Variants in DNM2 observed in about 807,000 individuals in gnomAD.
DNM2 encodes dynamin-2.
DNM2 carries 15 observed loss-of-function variants against 99.0 expected under a neutral mutation model. That is an observed-to-expected ratio of 0.15 (90% confidence interval 0.10 to 0.23). The LOEUF (loss-of-function observed/expected upper bound fraction) is 0.23. DNM2 is among the 10% of genes least tolerant of loss of function. DNM2 has a pLI of 1.00. For synonymous variants in DNM2, 525 were observed against 481.2 expected, an observed-to-expected ratio of 1.09 and a Z score of -1.19; for missense variants, 742 against 1,189.4, an observed-to-expected ratio of 0.62 and a Z score of 5.53.
intron 7 of DNM2, among the ~76,000 whole-genome samples, chr19:10,788,003 G>A (rs1001712825): frequency 2.6e-5 from 4 of 151,824 alleles, no homozygotes; most frequent in African/African-American, 9.7e-5. Flanking sequence ...AGGCCGAGGC[G>A]GGAGGATCAC....
At chr19:10,797,290 C>A (rs2071970387) in intron 9 of DNM2, 90 bp from the exon 10 acceptor site, 2 of 1,567,260 alleles carry the variant, frequency 1.3e-6, no homozygotes, top group African/African-American at 1.3e-5. Flanking sequence ...ACTCTCGTTT[C>A]TTCTCTTCTC....
At chr19:10,822,624 G>A (rs867141121) in intron 16 of DNM2, among the ~76,000 whole-genome samples, 2 of 151,834 alleles carry the variant, frequency 1.3e-5, no homozygotes, top group African/African-American at 4.8e-5. Flanking sequence ...TCAGCCTCCC[G>A]AGTAGCTGGG....
At chr19:10,731,788 G>T (rs78302485) in intron 1 of DNM2, among the ~76,000 whole-genome samples, 1 of 152,348 alleles carries the variant, frequency 6.6e-6, no homozygotes, top group South Asian at 2.1e-4. Context: ...TGAGTTCCCC[G>T]TTGTCTGGGC....
chr19:10,779,158 C>T (rs947997888), intron 5 of DNM2, among the ~76,000 whole-genome samples: 3 of 149,948 alleles, frequency 2.0e-5, no homozygotes, highest in South Asian at 4.2e-4. Context: ...GAGGTTGCAG[C>T]GAGCTGAGAT....
chr19:10,814,239 C>G (rs1373611135), intron 15 of DNM2, among the ~76,000 whole-genome samples: 1 of 152,080 alleles, frequency 6.6e-6, no homozygotes, highest in Non-Finnish European at 1.5e-5. Flanking sequence ...CCAAGGCAGA[C>G]AGATCACTTG....
rs530300532 is a variant in DNM2, at chr19:10,752,242, G to T, written c.162-7496G>T. Among the ~76,000 whole-genome samples the T allele has an allele frequency of 1.3e-3, 199 of 152,316 alleles. 1 individual carries two copies. Among genetic ancestry groups the T allele is most frequent in the African/African-American group, 4.7e-3 (195 of 41,556 alleles). Reference sequence around the variant, plus strand: ...AAAAAGGAAAAAAGAGTGTGTATGTGTGTGTGGGGTACTATGAATTAAAAG... The same window carrying T: ...AAAAAGGAAAAAAGAGTGTGTATGTTTGTGTGGGGTACTATGAATTAAAAG... On this transcript the variant is annotated intron_variant, in intron 1 of 20. Coordinates refer to ENST00000389253, the MANE Select transcript of DNM2 (RefSeq NM_001005361.3).
At chr19:10,743,180 A>G (rs2069823145) in intron 1 of DNM2, among the ~76,000 whole-genome samples, 1 of 151,948 alleles carries the variant, frequency 6.6e-6, no homozygotes, top group East Asian at 2.0e-4. Flanking sequence ...TACTAGGATT[A>G]CAGGTGTGAG....
intron 19 of DNM2, 111 bp downstream of exon 19, chr19:10,829,379 C>T (rs1012478040): frequency 7.2e-7 from 1 of 1,382,550 alleles, no homozygotes; most frequent in Non-Finnish European, 1.0e-6. Flanking sequence ...AAGGGTGGCA[C>T]CCAGGGCTGG....
chr19:10,747,867 G>T (rs1035996366), intron 1 of DNM2, among the ~76,000 whole-genome samples: 3 of 152,088 alleles, frequency 2.0e-5, no homozygotes, highest in East Asian at 1.9e-4. Context: ...TTCCTATGGC[G>T]GGGGGAGGGA....
chr19:10,739,006 A>C (rs1319586680), intron 1 of DNM2, among the ~76,000 whole-genome samples: 2 of 152,110 alleles, frequency 1.3e-5, no homozygotes, highest in Non-Finnish European at 2.9e-5. Flanking sequence ...GTCTCTACTA[A>C]AAATACAAAA....
chr19:10,752,939 C>G (rs531179143), intron 1 of DNM2, among the ~76,000 whole-genome samples: 1 of 152,240 alleles, frequency 6.6e-6, no homozygotes, highest in South Asian at 2.1e-4. Flanking sequence ...CAGTGAGACT[C>G]TGTCTGTTAA....
At chr19:10,803,633 C>G in intron 12 of DNM2, 1 of 986,366 alleles carries the variant, frequency 1.0e-6, no homozygotes, top group African/African-American at 1.7e-5. Flanking sequence ...TTCCCACTTA[C>G]CCCAGCTGTT....
intron 7 of DNM2, among the ~76,000 whole-genome samples, chr19:10,791,626 A>G (rs2071756513): frequency 6.6e-6 from 1 of 152,154 alleles, no homozygotes; most frequent in Non-Finnish European, 1.5e-5. Context: ...GGCCCCCAGG[A>G]GGCTGGTGCC....
At chr19:10,734,661 A>T (rs1464770852) in intron 1 of DNM2, among the ~76,000 whole-genome samples, 1 of 138,954 alleles carries the variant, frequency 7.2e-6, no homozygotes, top group Admixed American at 7.3e-5. Context: ...AAAAAAAAAA[A>T]GCCAAAGCCA....
rs747661251 is a variant in DNM2, at chr19:10,830,950, T to C, written c.2544-28T>C. On this transcript the variant is annotated intron_variant, in intron 20 of 20. Coordinates refer to ENST00000389253, the MANE Select transcript of DNM2 (RefSeq NM_001005361.3). This position sits in a 1 kb window ranked among gnomAD's most constrained non-coding sequence, Gnocchi z 4.8. The stretch of plus-strand genomic sequence containing the variant: ...TCCCGGCCTCACTGCCGTCTCCCCC[T>C]CCCCACCTGTCTTTATTCTCTTTGC... 1.9e-6 allele frequency: 3 copies of C among 1,602,254 alleles called. No individual in the cohort carries two copies. In the Admixed American group the frequency reaches 5.1e-5, roughly 27 times the overall value.
chr19:10,805,653 T>C (rs567430920), intron 12 of DNM2, among the ~76,000 whole-genome samples: 1 of 152,284 alleles, frequency 6.6e-6, no homozygotes, highest in African/African-American at 2.4e-5. Flanking sequence ...TCCGGGATTC[T>C]AGTGACATCT....
chr19:10,766,352 C>T (rs146343206), intron 2 of DNM2, among the ~76,000 whole-genome samples: 1 of 152,242 alleles, frequency 6.6e-6, no homozygotes, highest in Non-Finnish European at 1.5e-5. Context: ...CTCCGAAGAC[C>T]TCCAGGGTCT....
chr19:10,771,711 G>T (rs2070986293), intron 2 of DNM2, among the ~76,000 whole-genome samples: 1 of 152,124 alleles, frequency 6.6e-6, no homozygotes, highest in South Asian at 2.1e-4. Context: ...TTAATCAAAT[G>T]GACTCACCCT....
At chr19:10,751,725 C>T (rs779494918) in intron 1 of DNM2, among the ~76,000 whole-genome samples, 1 of 152,276 alleles carries the variant, frequency 6.6e-6, no homozygotes, top group Non-Finnish European at 1.5e-5. Context: ...AGGCCCTCTG[C>T]GCCTGCCCTG....
Sources: allele counts gnomAD v4.1 joint callset (sites outside exome capture counted in the v4.1 genomes callset), GRCh38; gene constraint gnomAD v4.1.1; non-coding constraint Gnocchi (gnomAD v3.1); transcripts MANE v1.5; gene names NCBI Gene and HGNC (gene_info 2026-07-23, HGNC 2026-07-21).